The following TANC1 variants were observed in gnomAD, a reference collection of about 807,000 sequenced individuals.
The protein encoded by TANC1 is tetratricopeptide repeat, ankyrin repeat and coiled-coil containing 1, also known as protein TANC1.
Under a neutral mutation model 149.7 loss-of-function variants are expected in TANC1, and 77 were observed. The observed-to-expected ratio is 0.51, with a 90% CI of 0.43 to 0.62. The LOEUF is 0.62. TANC1 is among the 20% of genes least tolerant of loss of function. The pLI is 0.00. For synonymous variants in TANC1, 854 were observed against 925.0 expected (o/e 0.92, Z 1.39); for missense variants, 1,985 against 2,321.8 (o/e 0.85, Z 2.98).
At chr2:159,207,301 G>A (rs1209703846) in intron 19 of TANC1, among the ~76,000 whole-genome samples, 1 of 152,220 alleles carries the variant, frequency 6.6e-6, no homozygotes. Flanking sequence ...CTCAGAAAAA[G>A]AGAAGCACTT....
intron 5 of TANC1, chr2:159,148,287 GTTT>G (rs1435367618): frequency 1.3e-5 from 2 of 152,166 alleles, no homozygotes; most frequent in African/African-American, 2.4e-5. Flanking sequence ...TGTGAATATC[GTTT>G]TATTTATTGG....
chr2:159,059,459 A>G lies in TANC1; in HGVS notation c.-15-6437A>G, dbSNP rs2042071893. ...AAGACTGCAGTGAACTGTCACTGTC[A>G]TGGTGCCATTGCATTCCAGCCTGGG... On this transcript the variant is annotated intron_variant, in intron 2 of 26. Transcript: ENST00000263635. Among the ~76,000 whole-genome samples, 5 of 152,102 alleles carry G rather than the reference A, an allele frequency of 3.3e-5. No homozygotes were observed. The South Asian group carries it at 1.0e-3, about 32-fold the overall frequency.
chr2:159,146,698 G>A (rs1354744118), intron 5 of TANC1, among the ~76,000 whole-genome samples: 7 of 151,896 alleles, frequency 4.6e-5, no homozygotes, highest in African/African-American at 9.7e-5. Context: ...CTGCCACTAC[G>A]CCCAGCTAAT....
At chr2:159,006,151 G>T (rs1316880765) in intron 2 of TANC1, among the ~76,000 whole-genome samples, 1 of 151,968 alleles carries the variant, frequency 6.6e-6, no homozygotes, top group Non-Finnish European at 1.5e-5. Context: ...ACAAAAATTA[G>T]CCAGGAGTGG....
chr2:159,008,885 T>C (rs1268059763), intron 2 of TANC1, among the ~76,000 whole-genome samples: 1 of 152,126 alleles, frequency 6.6e-6, no homozygotes, highest in African/African-American at 2.4e-5. Flanking sequence ...GCAGAATTCA[T>C]TGGCCTTGCA....
intron 19 of TANC1, among the ~76,000 whole-genome samples, chr2:159,200,257 G>A (rs1176371035): frequency 6.6e-6 from 1 of 152,174 alleles, no homozygotes; most frequent in Non-Finnish European, 1.5e-5. Context: ...TCATTGCCTA[G>A]TGATAAGAGC....
At chr2:158,981,544 A>ATATAT (rs1559096628) in intron 1 of TANC1, among the ~76,000 whole-genome samples, 12 of 84,716 alleles carry the variant, frequency 1.4e-4, no homozygotes, top group Admixed American at 2.6e-4. Flanking sequence ...TATATATATA[A>ATATAT]AGAAGTAACA....
intron 2 of TANC1, among the ~76,000 whole-genome samples, chr2:159,059,925 TGTGTGG>T: frequency 6.8e-6 from 1 of 146,382 alleles, no homozygotes. Context: ...TGTGTGTGTG[TGTGTGG>T]TTTTTTGTTG....
At chr2:159,033,308 A>C (rs1159455601) in intron 2 of TANC1, among the ~76,000 whole-genome samples, 2 of 152,220 alleles carry the variant, frequency 1.3e-5, no homozygotes, top group Non-Finnish European at 2.9e-5. Flanking sequence ...ATCACCAGTT[A>C]GGAAGTGGCA....
rs191022194 is a variant in TANC1, at chr2:159,009,758, C to T, written c.-16+8569C>T. 5.3e-5 allele frequency among the ~76,000 whole-genome samples: 8 copies of T among 152,118 alleles called. No individual in the cohort carries two copies. In the East Asian group the frequency reaches 1.5e-3, roughly 29 times the overall value. ...AGCTAGAAGAGTGGATTTTGAATGT[C>T]CCCAACACAAAGAAATGATAAATGT... On this transcript the variant is annotated intron_variant, in intron 2 of 26. Transcript: ENST00000263635.
chr2:159,093,801 G>T (rs1411842003), intron 3 of TANC1, among the ~76,000 whole-genome samples: 1 of 151,484 alleles, frequency 6.6e-6, no homozygotes, highest in African/African-American at 2.4e-5. Context: ...TAGTGCTGGA[G>T]CCCAGCTGCT....
chr2:159,100,643 G>T (rs2046588969), intron 4 of TANC1, among the ~76,000 whole-genome samples: 1 of 152,096 alleles, frequency 6.6e-6, no homozygotes, highest in Admixed American at 6.5e-5. Flanking sequence ...CTTGTTCACT[G>T]CCCAAATTTG....
intron 16 of TANC1, among the ~76,000 whole-genome samples, chr2:159,189,021 T>C (rs1320868622): frequency 6.6e-6 from 1 of 152,250 alleles, no homozygotes; most frequent in Non-Finnish European, 1.5e-5. Flanking sequence ...AGCTTTGTGC[T>C]TAGCGCTCAG....
chr2:159,179,463 C>T (rs528625044), intron 14 of TANC1, among the ~76,000 whole-genome samples: 41 of 151,958 alleles, frequency 2.7e-4, no homozygotes, highest in East Asian at 5.8e-4. Context: ...CATGGAGCCC[C>T]GTCTCCTCCC....
chr2:159,006,823 G>T (rs1005506386), intron 2 of TANC1, among the ~76,000 whole-genome samples: 2 of 152,116 alleles, frequency 1.3e-5, no homozygotes, highest in Non-Finnish European at 2.9e-5. Context: ...AGAGTAAACC[G>T]AAAAGCTATC....
rs2051650739 is a variant in TANC1, at chr2:159,143,367, G to GACCA, written c.365-5775_365-5774insACCA. 3.3e-5 allele frequency among the ~76,000 whole-genome samples: 5 copies of GACCA among 152,058 alleles called. No individual in the cohort carries two copies. The East Asian group carries it at 9.7e-4, about 29-fold the overall frequency. On this transcript the variant is annotated intron_variant, in intron 5 of 26. Transcript: ENST00000263635. ...TGCATGGGTAAAAGATCCATTTACA[G>GACCA]TATAAAACAGACCATTGGATCTTAC...
Position 159,150,388 on chromosome 2 carries a change from G to T in TANC1, c.514G>T (p.Gly172Cys), listed in dbSNP as rs765026274. The T allele has an allele frequency of 6.2e-6, 10 of 1,613,940 alleles. No homozygotes were observed. Among genetic ancestry groups the T allele is most frequent in the Non-Finnish European group, 8.5e-6 (10 of 1,180,014 alleles). The change falls in exon 7 of 27, where the codon GGC (glycine) becomes TGC (cysteine). Residue 172 changes from glycine to cysteine, a missense_variant. Transcript: ENST00000263635. The part of the protein sequence containing the change: ...NETMCTALSQ[G>C]ISPCSTLTSS... ...CTTGCAGTGCACAGCTCTGAGTCAA[G>T]GCATCAGTCCTTGCTCCACACTAAC...
intron 5 of TANC1, among the ~76,000 whole-genome samples, chr2:159,139,609 C>G (rs1448311572): frequency 6.6e-6 from 1 of 152,184 alleles, no homozygotes; most frequent in Non-Finnish European, 1.5e-5. Context: ...TAATATATTT[C>G]TAGCTACTAG....
rs566458689 is a variant in TANC1, at chr2:159,219,526, C to T, written c.3502+165C>T. ...ACACAGCCACATGCCTGGTATTCCT[C>T]TTCAGCAGCGATGACCATTCTGCCA... On this transcript the variant is annotated intron_variant, in intron 21 of 26. Coordinates refer to ENST00000263635, the MANE Select transcript of TANC1 (RefSeq NM_033394.3). 3.0e-5 allele frequency: 37 copies of T among 1,232,224 alleles called. No homozygotes were observed. In the South Asian group the frequency reaches 4.8e-4, roughly 16 times the overall value. 76.3% of individuals were successfully genotyped at this position (1,232,224 alleles called of 1,614,324 possible). A position where few individuals can be genotyped will look rare whatever the true frequency, so the allele number is the denominator to read the frequency against.
Sources: gnomAD v4.1 joint callset for allele counts (sites outside exome capture counted in the v4.1 genomes callset) on GRCh38, gnomAD v4.1.1 for gene constraint, MANE v1.5 for transcripts, NCBI Gene and HGNC (gene_info 2026-07-23, HGNC 2026-07-21) for gene names.